CABP7: variants seen among roughly 807,000 people sequenced by gnomAD.
The protein encoded by CABP7 is calcium binding protein 7.
A neutral mutation model predicts 23.1 loss-of-function variants in CABP7; 13 were observed. That is an observed-to-expected ratio of 0.56 (90% CI 0.37 to 0.90). The LOEUF (loss-of-function observed/expected upper bound fraction) is 0.90. Ranked by LOEUF, CABP7 falls within the 40% of genes least tolerant of loss-of-function variation. The probability of loss-of-function intolerance (pLI) is 0.01; values close to 1 mark genes in which losing one functional copy is unlikely to be tolerated. For synonymous variants in CABP7, 123 were observed against 115.3 expected (o/e 1.07, Z -0.43); for missense variants, 248 against 295.6 (o/e 0.84, Z 1.18).
chr22:29,728,216 G>A (rs903521318), intron 2 of CABP7, among the ~76,000 whole-genome samples: 1 of 152,116 alleles, frequency 6.6e-6, no homozygotes, highest in Non-Finnish European at 1.5e-5. Context: ...TATCCCACCC[G>A]GGCCCTTCTT....
At chr22:29,728,844 T>C (rs140097) in intron 3 of CABP7, 102 bp downstream of exon 3, 443,136 of 1,028,798 alleles carry the variant, frequency 0.43, 100,310 homozygotes, top group East Asian at 0.66. Context: ...GGATGACCAC[T>C]TCAGGCTTGT....
Position 29,727,317 on chromosome 22 carries a change from G to C in CABP7, c.110-345G>C, listed in dbSNP as rs1005346355. 1.3e-5 allele frequency among the ~76,000 whole-genome samples: 2 copies of C among 151,816 alleles called. No homozygotes were observed. The highest frequency in any genetic ancestry group is 1.3e-4 in the Admixed American group (2 of 15,250). On this transcript the variant is annotated intron_variant, in intron 1 of 4. Transcript: ENST00000216144. This position sits in a 1 kb window ranked among gnomAD's most constrained non-coding sequence, Gnocchi z 4.2. The stretch of plus-strand genomic sequence containing the variant: ...GCGGGTGGGGAAGCCGTCAGCAGCC[G>C]CGGGGGCCGGGGAGATCCAGCATCC...
chr22:29,728,826 T>A, intron 3 of CABP7, 84 bp downstream of exon 3: 1 of 1,131,536 alleles, frequency 8.8e-7, no homozygotes. Flanking sequence ...GCCCACACTG[T>A]AAAGGGGGGA....
chr22:29,729,169 C>T lies in CABP7; in HGVS notation c.481C>T (p.His161Tyr). The T allele has an allele frequency of 6.2e-7, 1 of 1,610,784 alleles. No homozygotes were observed. Among genetic ancestry groups the T allele is most frequent in the Admixed American group, 1.7e-5 (1 of 59,902 alleles). The change falls in exon 4 of 5, where the codon CAC becomes TAC. Residue 161 changes from histidine (H) to tyrosine (Y), a missense_variant. Physicochemically the swap from His to Tyr is moderately conservative, Grantham distance 83. Coordinates refer to ENST00000216144, the MANE Select transcript of CABP7 (RefSeq NM_182527.3). ...CATCATCATGACGGAGGAGGAGAGC[C>T]ACCTGGGCACAGCCGAGGAGTGTCC... ...ENIIMTEEESHLGTAEECPVD... is the reference protein window; with the variant it reads ...ENIIMTEEESYLGTAEECPVD...
chr22:29,723,008 A>G (rs927696265), intron 1 of CABP7, among the ~76,000 whole-genome samples: 4 of 152,330 alleles, frequency 2.6e-5, no homozygotes, highest in African/African-American at 9.6e-5. Flanking sequence ...ACCTTGGGCA[A>G]TCGCTCACCT....
intron 1 of CABP7, among the ~76,000 whole-genome samples, chr22:29,723,156 G>A (rs1280701467): frequency 6.6e-6 from 1 of 152,206 alleles, no homozygotes; most frequent in Admixed American, 6.5e-5. Context: ...AGGCTGGAGC[G>A]TGCAGGGCCC....
At position 29,731,716 on chromosome 22, in the gene CABP7, CTG is replaced by C. The variant is rs554978830; in HGVS notation, c.*2152_*2153del. On this transcript the variant is annotated 3_prime_UTR_variant, in exon 5 of 5. Coordinates refer to ENST00000216144, the MANE Select transcript of CABP7 (RefSeq NM_182527.3). ...ATATGCACTGATGAGGAAAGACATA[CTG>C]TGTGATAGGGAGAAAAAGCAGCTTA... The C allele has an allele frequency of 1.1e-3, 230 of 212,350 alleles. 2 individuals are homozygous for C. Among genetic ancestry groups the C allele is most frequent in the African/African-American group, 5.3e-3 (223 of 42,456 alleles). 13.2% of individuals were successfully genotyped at this position (212,350 alleles called of 1,614,324 possible).
At position 29,720,504 on chromosome 22, in the gene CABP7, C is replaced by A. The variant is rs1258949823; in HGVS notation, c.80C>A (p.Pro27Gln). 1 of 1,556,256 alleles carries A rather than the reference C, an allele frequency of 6.4e-7. No homozygotes were observed. The highest frequency in any genetic ancestry group is 1.4e-5 in the African/African-American group (1 of 70,494). ...CCCAACCTGCTGTCGGAGCAGCGCC[C>A]GGTGGACATCCCGGAGGACGAGCTG... Reference protein sequence around the residue: ...TVPNLLSEQRPVDIPEDELEE... With the variant: ...TVPNLLSEQRQVDIPEDELEE... Residue 27 changes from proline (P) to glutamine (Q), a missense_variant, in exon 1 of 5, where the codon CCG (proline) becomes CAG (glutamine). Transcript: ENST00000216144. This position sits in a 1 kb window ranked among gnomAD's most constrained non-coding sequence, Gnocchi z 5.2.
chr22:29,726,722 C>T lies in CABP7; in HGVS notation c.110-940C>T, dbSNP rs202138945. ...AGCAAACAAGGAGACCCCCGGGAGC[C>T]GGAGAGAGCATCGAGCCCCGCCCCC... On this transcript the variant is annotated intron_variant, in intron 1 of 4. Transcript: ENST00000216144. Among the ~76,000 whole-genome samples, 5 of 152,284 alleles carry T rather than the reference C, an allele frequency of 3.3e-5. No homozygotes were observed. In the East Asian group the frequency reaches 7.7e-4, roughly 24 times the overall value.
At chr22:29,729,307 C>T in intron 4 of CABP7, 99 bp downstream of exon 4, 1 of 1,576,560 alleles carries the variant, frequency 6.3e-7, no homozygotes, top group Non-Finnish European at 8.7e-7. Context: ...TGGGGGCCTC[C>T]TTGCCTGTCC....
chr22:29,721,477 ATCTGCATG>A (rs1187290501), intron 1 of CABP7, among the ~76,000 whole-genome samples: 2 of 151,968 alleles, frequency 1.3e-5, no homozygotes, highest in South Asian at 4.2e-4. Context: ...GCCTCCTGGG[ATCTGCATG>A]TCTGCTGTTG....
chr22:29,721,036 G>A (rs906415078), intron 1 of CABP7, among the ~76,000 whole-genome samples: 11 of 152,144 alleles, frequency 7.2e-5, no homozygotes, highest in Non-Finnish European at 1.5e-4. Flanking sequence ...TGCCCGCTGC[G>A]GGGCCGCCCC....
chr22:29,723,867 C>T (rs1304602680), intron 1 of CABP7, among the ~76,000 whole-genome samples: 1 of 152,234 alleles, frequency 6.6e-6, no homozygotes, highest in Non-Finnish European at 1.5e-5. Flanking sequence ...CTCTGGCTGC[C>T]TGATGGAGTG....
chr22:29,721,259 G>T (rs1164530188), intron 1 of CABP7, among the ~76,000 whole-genome samples: 3 of 152,232 alleles, frequency 2.0e-5, no homozygotes, highest in Non-Finnish European at 4.4e-5. Flanking sequence ...CTCGCAGGGG[G>T]ATGGCAGGCC....
chr22:29,728,074 G>A (rs1158212497), intron 2 of CABP7, among the ~76,000 whole-genome samples: 2 of 152,228 alleles, frequency 1.3e-5, no homozygotes, highest in South Asian at 2.1e-4. Context: ...TTAAAGTACA[G>A]AGAAGTAAAA....
Position 29,727,063 on chromosome 22 carries a change from C to T in CABP7, c.110-599C>T, listed in dbSNP as rs983859533. Among the ~76,000 whole-genome samples, 3 of 152,206 alleles carry T rather than the reference C, an allele frequency of 2.0e-5. No individual in the cohort carries two copies. The highest frequency in any genetic ancestry group is 2.4e-5 in the African/African-American group (1 of 41,456). On this transcript the variant is annotated intron_variant, in intron 1 of 4. Coordinates refer to ENST00000216144, the MANE Select transcript of CABP7 (RefSeq NM_182527.3). The surrounding 1 kb of genome is among the most constrained non-coding windows in gnomAD (Gnocchi z 4.2). ...CCGTACAGTGTGGAGGGCGACCCCC[C>T]ACCCAGTCTGGTCTGGCCTGGACCT...
intron 1 of CABP7, among the ~76,000 whole-genome samples, chr22:29,725,092 G>A (rs1165980393): frequency 6.6e-6 from 1 of 152,120 alleles, no homozygotes; most frequent in African/African-American, 2.4e-5. Flanking sequence ...CTGCAGAGGA[G>A]GAAAGGGAGG....
chr22:29,729,010 G>A (rs2067816523), intron 3 of CABP7, 45 bp from the exon 4 acceptor site: 1 of 1,596,212 alleles, frequency 6.3e-7, no homozygotes. Flanking sequence ...TGCTGGGTGG[G>A]GGCTGCGGTG....
At chr22:29,722,271 TGGCTGCAGGGGCGAGG>T (rs1170282002) in intron 1 of CABP7, among the ~76,000 whole-genome samples, 1 of 152,210 alleles carries the variant, frequency 6.6e-6, no homozygotes, top group Non-Finnish European at 1.5e-5. Context: ...GCTGAGAGGC[TGGCTGCAGGGGCGAGG>T]GGCCGCAGGG....
Sources: gnomAD v4.1 joint callset for allele counts (sites outside exome capture counted in the v4.1 genomes callset) on GRCh38, gnomAD v4.1.1 for gene constraint, Gnocchi (gnomAD v3.1) non-coding constraint, MANE v1.5 for transcripts, NCBI Gene and HGNC (gene_info 2026-07-23, HGNC 2026-07-21) for gene names.